Variants in MDN1 observed in about 807,000 individuals in gnomAD.
MDN1 encodes midasin.
Under a neutral mutation model 669.2 loss-of-function variants are expected in MDN1, and 266 were observed. The ratio of observed to expected loss-of-function variants is 0.40; its 90% confidence interval spans 0.36 to 0.44. The LOEUF (loss-of-function observed/expected upper bound fraction) is 0.44, where lower values mean the gene tolerates loss of function less well. Among genes scored for constraint, MDN1 ranks in the 20% least tolerant of loss-of-function variants. The pLI is 1.00. For synonymous variants in MDN1, 2,385 were observed against 2,457.1 expected, an observed-to-expected ratio of 0.97 and a Z score of 0.87; for missense variants, 5,940 against 6,754.0, an observed-to-expected ratio of 0.88 and a Z score of 4.22.
intron 85 of MDN1, 27 bp from the exon 86 acceptor site, chr6:89,662,994 C>A: frequency 6.2e-7 from 1 of 1,613,256 alleles, no homozygotes; most frequent in East Asian, 2.2e-5. Context: ...TGAGCTTAGG[C>A]AGATCTCCAA....
intron 55 of MDN1, among the ~76,000 whole-genome samples, chr6:89,701,263 A>G (rs563748267): frequency 1.3e-5 from 2 of 152,350 alleles, no homozygotes; most frequent in East Asian, 1.9e-4. Flanking sequence ...TATAATCACT[A>G]TTTACACAGC....
Position 89,676,100 on chromosome 6 carries a change from A to T in MDN1, c.12645+2T>A. 6.2e-7 allele frequency: 1 copy of T among 1,613,556 alleles called. No individual in the cohort carries two copies. The highest frequency in any genetic ancestry group is 8.5e-7 in the Non-Finnish European group (1 of 1,179,446). On this transcript the variant is annotated splice_donor_variant, in intron 77 of 101. Transcript: ENST00000369393. LOFTEE classifies it high-confidence loss of function. ...TGCAAGACTCATGTTCTATCATTCT[A>T]CCTTGGCAGGAGTTGCTAGTGCTGC...
chr6:89,786,808 C>T (rs1242616443), intron 8 of MDN1, among the ~76,000 whole-genome samples: 2 of 151,052 alleles, frequency 1.3e-5, no homozygotes, highest in Non-Finnish European at 2.9e-5. Context: ...GCCTGTAATC[C>T]CAGCTACCTG....
intron 76 of MDN1, among the ~76,000 whole-genome samples, 164 bp from the exon 77 acceptor site, chr6:89,676,371 C>A (rs1238609812): frequency 6.6e-6 from 1 of 152,240 alleles, no homozygotes; most frequent in Non-Finnish European, 1.5e-5. Context: ...TAGTCCTTTA[C>A]TTAACTCAGC....
intron 99 of MDN1, 149 bp from the exon 100 acceptor site, chr6:89,646,752 T>C: frequency 1.5e-6 from 1 of 649,042 alleles, no homozygotes; most frequent in Non-Finnish European, 2.7e-6. Flanking sequence ...CTTCTGGCCG[T>C]ATGTAGTTAA....
Position 89,690,761 on chromosome 6 carries a change from C to G in MDN1, c.10661G>C (p.Arg3554Thr). ...EKAEQESGLY[R>T]YRSRNSRTAL... ...TGTCCTAGAGTTCCTGCTCCTGTAT[C>G]TATACAGGCCGCTTTCCTGCTCAGC... is the stretch of plus-strand genomic sequence containing the variant. Residue 3554 changes from arginine (R) to threonine (T), a missense_variant, in exon 64 of 102, where the codon AGA becomes ACA. Physicochemically the swap from Arg to Thr is moderately conservative, Grantham distance 71 (BLOSUM62 -1). Transcript: ENST00000369393. 1.9e-6 allele frequency: 3 copies of G among 1,614,128 alleles called. No individual in the cohort carries two copies. The highest frequency in any genetic ancestry group is 2.2e-5 in the South Asian group (2 of 91,082).
intron 50 of MDN1, among the ~76,000 whole-genome samples, chr6:89,709,134 C>T (rs1249386068): frequency 2.6e-5 from 4 of 152,186 alleles, no homozygotes; most frequent in African/African-American, 9.7e-5. Context: ...CTGGCTCACA[C>T]CTGACACAAC....
chr6:89,689,897 G>A lies in MDN1; in HGVS notation c.10996C>T (p.Leu3666Phe), dbSNP rs1562094027. Residue 3666 changes from leucine (L) to phenylalanine (F), a missense_variant, in exon 65 of 102, where the codon CTT becomes TTT. By Grantham distance (22) the Leu-to-Phe change is conservative. This residue lies in a region of MDN1 where 2,280 missense variants were observed against 2,576.3 expected (regional missense o/e 0.88). Transcript: ENST00000369393. ...FLSCYQTGAS[L>F]VTHFYPLMGV... ...ATCAGGGGGTAGAAGTGTGTCACAA[G>A]CGATGCCCCAGTCTGATAGCAAGAC... is the stretch of plus-strand genomic sequence containing the variant. 6.2e-7 allele frequency: 1 copy of A among 1,614,152 alleles called. No individual in the cohort carries two copies. Among genetic ancestry groups the A allele is most frequent in the East Asian group, 2.2e-5 (1 of 44,886 alleles).
chr6:89,678,976 A>T (rs1373795322), intron 74 of MDN1, among the ~76,000 whole-genome samples: 1 of 152,226 alleles, frequency 6.6e-6, no homozygotes, highest in Non-Finnish European at 1.5e-5. Context: ...CAGGATTTCA[A>T]ATCTCTTGAC....
chr6:89,762,102 T>G (rs1817574427), intron 16 of MDN1, among the ~76,000 whole-genome samples: 1 of 152,200 alleles, frequency 6.6e-6, no homozygotes, highest in African/African-American at 2.4e-5. Flanking sequence ...GAAATGTGCC[T>G]TACTGACCAC....
chr6:89,688,610 A>C lies in MDN1; in HGVS notation c.11222T>G (p.Leu3741Trp), dbSNP rs1287089303. 6.2e-7 allele frequency: 1 copy of C among 1,614,198 alleles called. No homozygotes were observed. The highest frequency in any genetic ancestry group is 8.5e-7 in the Non-Finnish European group (1 of 1,180,026). Residue 3741 changes from leucine to tryptophan, a missense_variant, in exon 66 of 102, where the codon TTG becomes TGG. Leu to Trp is a moderately conservative substitution (Grantham distance 61). Transcript: ENST00000369393. ...TGGGTGTTCTGGCCAGTCCTGTAGC[A>C]AGTGACTGACAGCCTCTGAGAAACC... Reference protein sequence around the residue: ...LQGFSEAVSHLLQDWPEHPAL... With the variant: ...LQGFSEAVSHWLQDWPEHPAL...
intron 99 of MDN1, 32 bp from the exon 100 acceptor site, chr6:89,646,635 A>G (rs1431383023): frequency 1.9e-6 from 3 of 1,573,106 alleles, no homozygotes; most frequent in East Asian, 2.2e-5. Flanking sequence ...ACAATTAGAA[A>G]ACTATGTGAA....
At position 89,655,976 on chromosome 6, in the gene MDN1, A is replaced by G. The variant is rs532069308; in HGVS notation, c.15286-8T>C. On this transcript the variant is annotated splice_polypyrimidine_tract_variant and splice_region_variant and intron_variant, in intron 91 of 101. Coordinates refer to ENST00000369393, the MANE Select transcript of MDN1 (RefSeq NM_014611.3). ...AGGTTTCCTCTTAAAACTCTGAGAA[A>G]TACAAGGAAATTCATCAGAGCCTTG... The G allele has an allele frequency of 6.2e-7, 1 of 1,611,912 alleles. No homozygotes were observed. The highest frequency in any genetic ancestry group is 1.3e-5 in the African/African-American group (1 of 74,988).
At chr6:89,783,565 T>C (rs1472229975) in intron 9 of MDN1, among the ~76,000 whole-genome samples, 1 of 152,214 alleles carries the variant, frequency 6.6e-6, no homozygotes, top group African/African-American at 2.4e-5. Context: ...TTTTGCCTTG[T>C]GATCTTTGAT....
chr6:89,696,231 A>G (rs933452856), intron 60 of MDN1, 129 bp downstream of exon 60: 3 of 1,121,090 alleles, frequency 2.7e-6, no homozygotes, highest in Non-Finnish European at 2.5e-6. Context: ...ATGCTGATTC[A>G]GGCAGAAAAT....
chr6:89,786,862 T>C (rs957227016), intron 8 of MDN1, among the ~76,000 whole-genome samples: 2 of 141,060 alleles, frequency 1.4e-5, no homozygotes, highest in African/African-American at 5.4e-5. Context: ...GAGGTGGAGG[T>C]TGCAGTGAGC....
At chr6:89,779,847 C>T (rs1301707299) in intron 11 of MDN1, among the ~76,000 whole-genome samples, 1 of 152,086 alleles carries the variant, frequency 6.6e-6, no homozygotes, top group Non-Finnish European at 1.5e-5. Flanking sequence ...GGGTGGATCA[C>T]TTGAGGTCAG....
At chr6:89,661,366 A>C in intron 88 of MDN1, 65 bp downstream of exon 88, 8 of 1,540,184 alleles carry the variant, frequency 5.2e-6, no homozygotes, top group Non-Finnish European at 7.0e-6. Flanking sequence ...AGCTTTCAAA[A>C]GAGAAATCAA....
At chr6:89,760,552 A>T (rs1207923128) in intron 17 of MDN1, among the ~76,000 whole-genome samples, 2 of 152,202 alleles carry the variant, frequency 1.3e-5, no homozygotes, top group African/African-American at 4.8e-5. Context: ...CACTATGCAC[A>T]ATAGTCAAGA....
Sources: allele counts gnomAD v4.1 joint callset (sites outside exome capture counted in the v4.1 genomes callset), GRCh38; gene constraint gnomAD v4.1.1; regional missense constraint gnomAD v4.1.1; transcripts MANE v1.5; gene names NCBI Gene and HGNC (gene_info 2026-07-23, HGNC 2026-07-21).